APOL3: variants seen among roughly 807,000 people sequenced by gnomAD.
APOL3 encodes the protein apolipoprotein L3.
APOL3 carries 14 observed loss-of-function variants against 11.6 expected under a neutral mutation model. The observed-to-expected ratio is 1.21, with a 90% CI of 0.80 to 1.89. APOL3 has a LOEUF of 1.89. APOL3 is among the 40% of genes most tolerant of loss of function. The pLI is 0.00. For synonymous variants in APOL3, 192 were observed against 190.6 expected (o/e 1.01, Z -0.06); for missense variants, 483 against 492.1 (o/e 0.98, Z 0.17).
rs769335704 is a variant in APOL3, at chr22:36,160,714, T to TTG, written c.177_178insCA (p.Arg60GlnfsTer42). ...GAGTGTGAGCAAGATCCAGCTGTTC[T>TTG]GAGCTGTGTGGATCCCACCTCCAGC... On this transcript the variant is annotated frameshift_variant, in exon 1 of 3. The change abolishes the stop of an existing upstream ORF in the 5' untranslated region. Coordinates refer to ENST00000349314, the Ensembl canonical transcript of APOL3. LOFTEE classifies it high-confidence loss of function. 6.2e-7 allele frequency: 1 copy of TTG among 1,613,974 alleles called. No homozygotes were observed. Among genetic ancestry groups the TTG allele is most frequent in the East Asian group, 2.2e-5 (1 of 44,882 alleles).
intron 1 of APOL3, among the ~76,000 whole-genome samples, chr22:36,150,425 A>G (rs2060389482): frequency 6.6e-6 from 1 of 152,192 alleles, no homozygotes; most frequent in African/African-American, 2.4e-5. Context: ...AGTGGGTACC[A>G]TTTGTATTTC....
chr22:36,145,449 T>A (rs1303836962), intron 2 of APOL3, 24 bp downstream of exon 3: 2 of 1,612,282 alleles, frequency 1.2e-6, no homozygotes, highest in African/African-American at 1.3e-5. Flanking sequence ...GGGCGCCCCA[T>A]GGAGGTAACC....
chr22:36,148,461 G>A (rs548999815), intron 1 of APOL3, among the ~76,000 whole-genome samples: 8 of 152,344 alleles, frequency 5.3e-5, no homozygotes, highest in South Asian at 4.1e-4. Flanking sequence ...TATTATACTC[G>A]CATTCCAGGT....
intron 2 of APOL3, among the ~76,000 whole-genome samples, chr22:36,142,455 A>G (rs1284031868): frequency 6.6e-6 from 1 of 152,178 alleles, no homozygotes; most frequent in African/African-American, 2.4e-5. Flanking sequence ...ATCATAGAAC[A>G]GTGAAGGATT....
At chr22:36,142,202 T>A in intron 2 of APOL3, 144 bp from the exon 4 acceptor site, 1 of 986,458 alleles carries the variant, frequency 1.0e-6, no homozygotes, top group Non-Finnish European at 1.4e-6. Flanking sequence ...TGGAAAAATT[T>A]AAAATAATTT....
intron 1 of APOL3, chr22:36,159,557 G>C (rs1319044715): frequency 6.6e-6 from 1 of 152,228 alleles, no homozygotes; most frequent in East Asian, 1.9e-4. Context: ...TTAATCTCAT[G>C]ATTGTCAAGC....
At chr22:36,160,786 T>G in exon 1 of APOL3, 1 of 1,614,146 alleles carries the variant, frequency 6.2e-7, no homozygotes, top group Middle Eastern at 1.7e-4. Flanking sequence ...CTCTGAGATA[T>G]ACCCTGGAAC....
rs1451809177 is a variant in APOL3, at chr22:36,149,058, T to A, written c.224-3459A>T. 3 of 1,368,412 alleles carry A rather than the reference T, an allele frequency of 2.2e-6. No individual in the cohort carries two copies. The Admixed American group carries it at 5.7e-5, about 26-fold the overall frequency. The allele number at this position is 1,368,412 out of a possible 1,614,324, so 84.8% of individuals were successfully genotyped here. On this transcript the variant is annotated intron_variant, in intron 1 of 2. Coordinates refer to ENST00000349314, the Ensembl canonical transcript of APOL3. Reference sequence around the variant, plus strand: ...GAAGCAAGCCTACCTGAGTCCATGGTGCCAGCAGCCAGGTCACTGAGAGAC... The same window carrying A: ...GAAGCAAGCCTACCTGAGTCCATGGAGCCAGCAGCCAGGTCACTGAGAGAC...
intron 1 of APOL3, among the ~76,000 whole-genome samples, chr22:36,159,948 C>A (rs2013518462): frequency 6.6e-6 from 1 of 151,870 alleles, no homozygotes; most frequent in Admixed American, 6.6e-5. Context: ...CTGGTGCGAT[C>A]TCGACTCACT....
intron 2 of APOL3, among the ~76,000 whole-genome samples, chr22:36,144,735 C>T (rs28390318): frequency 0.42 from 63,549 of 151,926 alleles, 14,036 homozygotes; most frequent in Middle Eastern, 0.64. Flanking sequence ...CTTGGTCGGG[C>T]GCAGCGGCTC....
chr22:36,152,493 T>A (rs947112650), intron 1 of APOL3, among the ~76,000 whole-genome samples: 1 of 152,132 alleles, frequency 6.6e-6, no homozygotes, highest in African/African-American at 2.4e-5. Context: ...GGTGAAACAC[T>A]GAAGGAAGGA....
intron 1 of APOL3, among the ~76,000 whole-genome samples, chr22:36,152,493 T>C (rs947112650): frequency 6.6e-6 from 1 of 152,132 alleles, no homozygotes; most frequent in Non-Finnish European, 1.5e-5. Context: ...GGTGAAACAC[T>C]GAAGGAAGGA....
rs151071747 is a variant in APOL3, at chr22:36,149,185, C to T, written c.224-3586G>A. On this transcript the variant is annotated intron_variant, in intron 1 of 2. Transcript: ENST00000349314. The stretch of plus-strand genomic sequence containing the variant: ...AAATTGTGGGACTGAATGTGAGCCA[C>T]CTGTGGACAGAGGGAGGTTGGAGGG... 6.0e-6 allele frequency: 8 copies of T among 1,336,228 alleles called. No homozygotes were observed. The East Asian group carries it at 1.5e-4, about 25-fold the overall frequency. The allele number at this position is 1,336,228 out of a possible 1,614,324, so 82.8% of individuals were successfully genotyped here.
At chr22:36,158,579 G>GTT (rs1287783381) in intron 1 of APOL3, among the ~76,000 whole-genome samples, 2 of 152,296 alleles carry the variant, frequency 1.3e-5, no homozygotes, top group African/African-American at 4.8e-5. Flanking sequence ...CAGCACTTTG[G>GTT]GTGGCGGAGG....
chr22:36,141,235 T>G (rs1345605483), exon 3 of APOL3: 2 of 1,614,108 alleles, frequency 1.2e-6, no homozygotes, highest in Non-Finnish European at 8.5e-7. Flanking sequence ...CGCTGATAGA[T>G]CTGAGTGAGC....
intron 1 of APOL3, among the ~76,000 whole-genome samples, chr22:36,150,865 C>T (rs1448438362): frequency 1.3e-5 from 2 of 152,180 alleles, no homozygotes; most frequent in Non-Finnish European, 2.9e-5. Flanking sequence ...ACCCTGGTGA[C>T]AGACTGGGAC....
chr22:36,162,770 TA>T (rs1569530147), upstream of APOL3, among the ~76,000 whole-genome samples: 1 of 152,240 alleles, frequency 6.6e-6, no homozygotes, highest in Non-Finnish European at 1.5e-5. Context: ...TCTCCTCAGT[TA>T]AAGGATCCAT....
chr22:36,145,441 G>A (rs2060157534), intron 2 of APOL3, 32 bp downstream of exon 3: 2 of 1,610,624 alleles, frequency 1.2e-6, no homozygotes, highest in East Asian at 2.2e-5. Flanking sequence ...CATAGCCGGG[G>A]CGCCCCATGG....
chr22:36,159,181 C>T (rs2013392734), intron 1 of APOL3: 1 of 152,264 alleles, frequency 6.6e-6, no homozygotes, highest in South Asian at 2.1e-4. Flanking sequence ...GCTCTCCCCA[C>T]TTTCCTGCAG....
Sources: allele counts gnomAD v4.1 joint callset (sites outside exome capture counted in the v4.1 genomes callset), GRCh38; gene constraint gnomAD v4.1.1; transcripts MANE v1.5; gene names NCBI Gene and HGNC (gene_info 2026-07-23, HGNC 2026-07-21).